SCHIP1: variants seen among roughly 807,000 people sequenced by gnomAD.
SCHIP1 encodes schwannomin-interacting protein 1.
In SCHIP1, 8 loss-of-function variants were observed where a neutral mutation model predicts 29.7. The observed-to-expected ratio is 0.27, with a 90% confidence interval of 0.16 to 0.49. The LOEUF (loss-of-function observed/expected upper bound fraction) is 0.49. SCHIP1 is among the 20% of genes least tolerant of loss of function. The pLI is 0.99. For missense variants in SCHIP1, 193 were observed against 294.6 expected, an observed-to-expected ratio of 0.66 and a Z score of 2.52; for synonymous variants, 76 against 94.9, an observed-to-expected ratio of 0.80 and a Z score of 1.16.
the SCHIP1 span, among the ~76,000 whole-genome samples, chr3:159,532,154 T>C: frequency 6.6e-6 from 1 of 152,196 alleles, no homozygotes; most frequent in African/African-American, 2.4e-5. Flanking sequence ...CAAGTGGAAA[T>C]GGAAAAATTT....
At chr3:159,595,961 T>C in the SCHIP1 span, among the ~76,000 whole-genome samples, 7 of 152,092 alleles carry the variant, frequency 4.6e-5, no homozygotes, top group Admixed American at 2.0e-4. Context: ...TGGGATCTAA[T>C]TAAACTAAAG....
chr3:159,427,118 G>C, the SCHIP1 span, among the ~76,000 whole-genome samples: 1 of 152,142 alleles, frequency 6.6e-6, no homozygotes, highest in African/African-American at 2.4e-5. Flanking sequence ...AAAACTGGAA[G>C]CATTCCCTTT....
the SCHIP1 span, among the ~76,000 whole-genome samples, chr3:159,414,423 G>T: frequency 4.0e-5 from 6 of 151,656 alleles, no homozygotes; most frequent in African/African-American, 1.5e-4. Flanking sequence ...TTATTAAGTA[G>T]ATGTTATTTG....
At position 159,892,200 on chromosome 3, in the gene SCHIP1, G is replaced by A. The variant is rs74495285; in HGVS notation, c.683+10G>A. The A allele has an allele frequency of 0.019, 30,797 of 1,614,044 alleles. 322 individuals carry two copies. Among genetic ancestry groups the A allele is most frequent in the Non-Finnish European group, 0.022 (26,496 of 1,179,996 alleles). ...TTGAAGACTTGACCAGGTCAGTGTG[G>A]CTTCACTCTTGCCAAAGAAGAAAAG... On this transcript the variant is annotated intron_variant, in intron 6 of 6. Coordinates refer to ENST00000445224, the Ensembl canonical transcript of SCHIP1.
chr3:159,292,139 G>T, the SCHIP1 span, among the ~76,000 whole-genome samples: 1 of 152,032 alleles, frequency 6.6e-6, no homozygotes, highest in Admixed American at 6.5e-5. Context: ...AATTCTAGGG[G>T]TAAAATAACC....
the SCHIP1 span, among the ~76,000 whole-genome samples, chr3:159,394,504 A>T: frequency 6.6e-6 from 1 of 152,192 alleles, no homozygotes; most frequent in African/African-American, 2.4e-5. Flanking sequence ...TACCTAATTT[A>T]TTGAGAGTTT....
chr3:159,280,809 T>G, the SCHIP1 span, among the ~76,000 whole-genome samples: 1 of 152,148 alleles, frequency 6.6e-6, no homozygotes, highest in Non-Finnish European at 1.5e-5. Context: ...AGGGATGGCA[T>G]TAAGCACTTG....
chr3:159,662,193 G>C, the SCHIP1 span, among the ~76,000 whole-genome samples: 2 of 152,084 alleles, frequency 1.3e-5, no homozygotes, highest in Non-Finnish European at 2.9e-5. Flanking sequence ...ATCAGAATTA[G>C]CTTAGACTAT....
the SCHIP1 span, among the ~76,000 whole-genome samples, chr3:159,365,609 G>A: frequency 9.9e-5 from 15 of 152,182 alleles, no homozygotes; most frequent in Admixed American, 2.6e-4. Flanking sequence ...TCCTTTCTAC[G>A]CACTACATTA....
the SCHIP1 span, among the ~76,000 whole-genome samples, chr3:159,776,952 G>T: frequency 6.6e-6 from 1 of 152,156 alleles, no homozygotes; most frequent in African/African-American, 2.4e-5. Context: ...GGACCATGGT[G>T]TCCTGGAAGG....
At chr3:159,442,650 C>T in the SCHIP1 span, among the ~76,000 whole-genome samples, 1 of 152,136 alleles carries the variant, frequency 6.6e-6, no homozygotes, top group African/African-American at 2.4e-5. Context: ...ACTGGGTACC[C>T]ACCTGGTCAG....
At chr3:159,544,667 A>G in the SCHIP1 span, among the ~76,000 whole-genome samples, 4 of 152,046 alleles carry the variant, frequency 2.6e-5, no homozygotes, top group African/African-American at 9.7e-5. Flanking sequence ...GTCCCTGGTT[A>G]AATTCCTTGC....
At chr3:159,658,623 T>C in the SCHIP1 span, among the ~76,000 whole-genome samples, 1 of 152,146 alleles carries the variant, frequency 6.6e-6, no homozygotes, top group Non-Finnish European at 1.5e-5. Flanking sequence ...ACTCACTCCA[T>C]TGGGCAATCT....
At chr3:159,587,966 TC>T in the SCHIP1 span, among the ~76,000 whole-genome samples, 9 of 152,206 alleles carry the variant, frequency 5.9e-5, no homozygotes, top group Non-Finnish European at 1.3e-4. Context: ...TGATTTATAA[TC>T]CTTTGGGTAT....
chr3:159,548,257 T>C, the SCHIP1 span, among the ~76,000 whole-genome samples: 1 of 152,214 alleles, frequency 6.6e-6, no homozygotes, highest in East Asian at 1.9e-4. Context: ...ACATATTTAT[T>C]TATGCATTTA....
At chr3:159,580,886 A>G in the SCHIP1 span, among the ~76,000 whole-genome samples, 1 of 152,182 alleles carries the variant, frequency 6.6e-6, no homozygotes, top group Non-Finnish European at 1.5e-5. Context: ...CTTCCCATGC[A>G]CTTTCCATGA....
chr3:159,639,938 A>C, the SCHIP1 span, among the ~76,000 whole-genome samples: 23 of 152,246 alleles, frequency 1.5e-4, 1 homozygote, highest in Admixed American at 1.2e-3. Flanking sequence ...TGTGCCAGAA[A>C]AGAACAGATA....
the SCHIP1 span, among the ~76,000 whole-genome samples, chr3:159,705,800 G>A: frequency 6.9e-3 from 1,044 of 152,106 alleles, 22 homozygotes; most frequent in African/African-American, 0.023. Context: ...TCCGCCTCCC[G>A]GGTTCAAGCA....
the SCHIP1 span, among the ~76,000 whole-genome samples, chr3:159,471,898 C>A: frequency 2.2e-4 from 33 of 152,234 alleles, no homozygotes; most frequent in South Asian, 6.8e-3. Context: ...TACTGTGACA[C>A]TGATGAGCTC....
Sources: allele counts gnomAD v4.1 joint callset (sites outside exome capture counted in the v4.1 genomes callset), GRCh38; gene constraint gnomAD v4.1.1; transcripts MANE v1.5; gene names NCBI Gene and HGNC (gene_info 2026-07-23, HGNC 2026-07-21).